Variants in TUSC3 observed in about 807,000 individuals in gnomAD.
The protein encoded by TUSC3 is dolichyl-diphosphooligosaccharide--protein glycosyltransferase subunit TUSC3.
A neutral mutation model predicts 44.8 loss-of-function variants in TUSC3; 45 were observed. The ratio of observed to expected loss-of-function variants is 1.00; its 90% CI spans 0.79 to 1.29. The LOEUF is 1.29. Ranked by LOEUF, TUSC3 falls within the 50% of genes most tolerant of loss-of-function variation. The pLI, the probability that TUSC3 is intolerant of heterozygous loss-of-function variation, is 0.00. For synonymous variants in TUSC3, 212 were observed against 152.9 expected (o/e 1.39, Z -2.85); for missense variants, 519 against 437.9 (o/e 1.19, Z -1.65).
chr8:15,784,923 A>C, the TUSC3 span, among the ~76,000 whole-genome samples: 1 of 152,250 alleles, frequency 6.6e-6, no homozygotes, highest in South Asian at 2.1e-4. Context: ...TTACAAAGAA[A>C]TAAGTATGTG....
At chr8:15,684,510 T>A (rs989284424) in intron 6 of TUSC3, among the ~76,000 whole-genome samples, 1 of 152,158 alleles carries the variant, frequency 6.6e-6, no homozygotes, top group South Asian at 2.1e-4. Context: ...CCGGCTAAGC[T>A]TGTCGTAAGC....
the TUSC3 span, among the ~76,000 whole-genome samples, chr8:15,782,917 A>G: frequency 3.3e-5 from 5 of 152,188 alleles, no homozygotes; most frequent in Non-Finnish European, 5.9e-5. Context: ...TCAAATTGAA[A>G]AGGAAGAGCG....
At chr8:15,548,079 C>T (rs1563283419) in intron 1 of TUSC3, among the ~76,000 whole-genome samples, 1 of 151,620 alleles carries the variant, frequency 6.6e-6, no homozygotes, top group Admixed American at 6.6e-5. Context: ...CCCGACCATG[C>T]TGGAACTCTG....
chr8:15,575,243 C>T (rs1803051319), intron 1 of TUSC3, among the ~76,000 whole-genome samples: 2 of 151,910 alleles, frequency 1.3e-5, no homozygotes, highest in Non-Finnish European at 2.9e-5. Context: ...TGATTTTTAA[C>T]ACTTTGTTTT....
At position 15,559,157 on chromosome 8, in the gene TUSC3, T is replaced by A. The variant is rs1232587089; in HGVS notation, c.138+18589T>A. ...GGGCATTTAGTGCTATAAATTTCCC[T>A]CTACACACTGCTTTGAATGCGTCCC... is the stretch of plus-strand genomic sequence containing the variant. On this transcript the variant is annotated intron_variant, in intron 1 of 10. Transcript: ENST00000503731. Among the ~76,000 whole-genome samples the A allele has an allele frequency of 1.6e-4, 23 of 143,868 alleles. 1 individual carries two copies. Among genetic ancestry groups the A allele is most frequent in the Non-Finnish European group, 2.9e-4 (19 of 65,266 alleles). The allele number at this position is 143,868 out of a possible 152,430, so 94.4% of individuals were successfully genotyped here.
the TUSC3 span, among the ~76,000 whole-genome samples, chr8:15,791,224 C>A: frequency 1.3e-5 from 2 of 151,890 alleles, no homozygotes; most frequent in Non-Finnish European, 2.9e-5. Context: ...TGAAAAAGAA[C>A]CAAAGGCAAA....
chr8:15,582,042 G>A (rs1282262393), intron 1 of TUSC3, among the ~76,000 whole-genome samples: 3 of 152,082 alleles, frequency 2.0e-5, no homozygotes, highest in South Asian at 2.1e-4. Flanking sequence ...TCTGAAAAGC[G>A]CAATATTCGG....
At chr8:15,597,130 G>A (rs1173034121) in intron 1 of TUSC3, among the ~76,000 whole-genome samples, 1 of 152,042 alleles carries the variant, frequency 6.6e-6, no homozygotes, top group Non-Finnish European at 1.5e-5. Context: ...TGGAGATGAG[G>A]TAGCACCTTG....
the TUSC3 span, among the ~76,000 whole-genome samples, chr8:15,825,340 G>A: frequency 6.6e-6 from 1 of 152,164 alleles, no homozygotes; most frequent in African/African-American, 2.4e-5. Context: ...GAAGGCAAAG[G>A]AGGAGTAAGG....
chr8:15,799,842 C>G, the TUSC3 span, among the ~76,000 whole-genome samples: 1 of 152,100 alleles, frequency 6.6e-6, no homozygotes, highest in Non-Finnish European at 1.5e-5. Context: ...TCATAAGACC[C>G]CAGGTCATAG....
chr8:15,831,237 A>C, the TUSC3 span, among the ~76,000 whole-genome samples: 1 of 152,176 alleles, frequency 6.6e-6, no homozygotes, highest in Non-Finnish European at 1.5e-5. Context: ...AGCTAAACCC[A>C]CCTTATACTA....
intron 2 of TUSC3, among the ~76,000 whole-genome samples, chr8:15,530,156 C>T (rs1463210205): frequency 6.6e-6 from 1 of 151,972 alleles, no homozygotes; most frequent in East Asian, 1.9e-4. Flanking sequence ...TCTCTGCTTA[C>T]ATCTTTGCTC....
intron 6 of TUSC3, among the ~76,000 whole-genome samples, chr8:15,712,847 A>G (rs913412439): frequency 6.6e-6 from 1 of 152,112 alleles, no homozygotes; most frequent in Non-Finnish European, 1.5e-5. Context: ...CTAAACTACT[A>G]CAAGAGTTAT....
chr8:15,428,045 T>G (rs956492077), intron 1 of TUSC3, among the ~76,000 whole-genome samples: 4 of 151,838 alleles, frequency 2.6e-5, no homozygotes, highest in Non-Finnish European at 5.9e-5. Context: ...TGTATACATG[T>G]GCCATGTTGG....
intron 1 of TUSC3, among the ~76,000 whole-genome samples, chr8:15,430,295 T>C (rs1452424650): frequency 6.8e-6 from 1 of 147,956 alleles, no homozygotes; most frequent in East Asian, 1.9e-4. Flanking sequence ...CAAGTGGGCT[T>C]CATCCCTGAG....
At chr8:15,529,357 GA>G (rs1407973468) in intron 2 of TUSC3, among the ~76,000 whole-genome samples, 6 of 152,054 alleles carry the variant, frequency 3.9e-5, no homozygotes, top group African/African-American at 1.4e-4. Context: ...TAAATTATAT[GA>G]AAAAAGGGCA....
At chr8:15,671,607 A>G (rs1807949310) in intron 5 of TUSC3, among the ~76,000 whole-genome samples, 1 of 152,032 alleles carries the variant, frequency 6.6e-6, no homozygotes, top group African/African-American at 2.4e-5. Context: ...TTGTTTTATT[A>G]AACCATTTCC....
intron 6 of TUSC3, among the ~76,000 whole-genome samples, chr8:15,705,457 G>A (rs1422323245): frequency 1.3e-5 from 2 of 151,950 alleles, no homozygotes; most frequent in Admixed American, 6.6e-5. Context: ...TAACAGTAAC[G>A]TGTAGTGTAT....
At chr8:15,444,969 G>C (rs11990073) in intron 1 of TUSC3, among the ~76,000 whole-genome samples, 13,258 of 152,172 alleles carry the variant, frequency 0.087, 623 homozygotes, top group East Asian at 0.14. Flanking sequence ...GCAGGAGAAG[G>C]ACAAGCTGGG....
Sources: gnomAD v4.1 joint callset for allele counts (sites outside exome capture counted in the v4.1 genomes callset) on GRCh38, gnomAD v4.1.1 for gene constraint, MANE v1.5 for transcripts, NCBI Gene and HGNC (gene_info 2026-07-23, HGNC 2026-07-21) for gene names.